CDH18: variants seen among roughly 807,000 people sequenced by gnomAD.
The protein encoded by CDH18 is cadherin-18.
CDH18 carries 31 observed loss-of-function variants against 67.9 expected under a neutral mutation model. That is an observed-to-expected ratio of 0.46 (90% CI 0.34 to 0.62). The LOEUF (loss-of-function observed/expected upper bound fraction) is 0.62. CDH18 is among the 20% of genes least tolerant of loss of function. The pLI is 0.01. For synonymous variants in CDH18, 362 were observed against 347.2 expected (o/e 1.04, Z -0.48); for missense variants, 890 against 975.5 (o/e 0.91, Z 1.17).
intron 1 of CDH18, among the ~76,000 whole-genome samples, chr5:20,521,623 G>A (rs1755748184): frequency 6.6e-6 from 1 of 152,072 alleles, no homozygotes; most frequent in Non-Finnish European, 1.5e-5. Flanking sequence ...TAGTTGAAGG[G>A]AGAAATGGGT....
intron 3 of CDH18, among the ~76,000 whole-genome samples, chr5:19,787,482 G>C (rs1269188579): frequency 3.3e-5 from 5 of 151,862 alleles, no homozygotes; most frequent in Non-Finnish European, 4.4e-5. Flanking sequence ...GTATGAGCAA[G>C]TCTTTTAATC....
At chr5:20,404,901 C>T (rs1223974180) in intron 1 of CDH18, among the ~76,000 whole-genome samples, 1 of 152,118 alleles carries the variant, frequency 6.6e-6, no homozygotes, top group Non-Finnish European at 1.5e-5. Context: ...CACCCACTGG[C>T]ACAAACCTAC....
intron 12 of CDH18, among the ~76,000 whole-genome samples, chr5:19,474,043 C>A (rs189982273): frequency 1.2e-4 from 19 of 152,124 alleles, no homozygotes; most frequent in African/African-American, 4.6e-4. Context: ...GAGATAAACA[C>A]ATGATGAAAA....
chr5:20,455,769 A>C (rs541154961), intron 1 of CDH18, among the ~76,000 whole-genome samples: 1 of 152,078 alleles, frequency 6.6e-6, no homozygotes, highest in African/African-American at 2.4e-5. Context: ...ACATAGAGCA[A>C]TAGTTTCTTT....
At chr5:19,750,665 C>G (rs890053553) in intron 3 of CDH18, among the ~76,000 whole-genome samples, 1 of 151,628 alleles carries the variant, frequency 6.6e-6, no homozygotes, top group African/African-American at 2.4e-5. Context: ...TAGCTAACCA[C>G]TATACTACTA....
chr5:19,860,903 A>C (rs1182792667), intron 2 of CDH18, among the ~76,000 whole-genome samples: 1 of 152,136 alleles, frequency 6.6e-6, no homozygotes, highest in Non-Finnish European at 1.5e-5. Flanking sequence ...TTCACTCATA[A>C]TTGTCTCTCT....
At chr5:20,171,372 G>A (rs1736694354) in intron 2 of CDH18, among the ~76,000 whole-genome samples, 1 of 152,006 alleles carries the variant, frequency 6.6e-6, no homozygotes, top group South Asian at 2.1e-4. Context: ...AACCTAGCCA[G>A]CATCTATTAT....
intron 9 of CDH18, among the ~76,000 whole-genome samples, chr5:19,536,460 G>A (rs1041203694): frequency 2.6e-5 from 4 of 152,132 alleles, no homozygotes; most frequent in African/African-American, 9.7e-5. Flanking sequence ...TTTTTCAGAG[G>A]ATTAAGCTGA....
chr5:19,581,863 G>C (rs1366611088), intron 7 of CDH18, among the ~76,000 whole-genome samples: 1 of 151,992 alleles, frequency 6.6e-6, no homozygotes, highest in Non-Finnish European at 1.5e-5. Flanking sequence ...CTCCAGCTAG[G>C]CTTTTGTATT....
chr5:20,203,468 A>T (rs1739610555), intron 2 of CDH18, among the ~76,000 whole-genome samples: 1 of 152,090 alleles, frequency 6.6e-6, no homozygotes, highest in South Asian at 2.1e-4. Context: ...TTCCTTTGGG[A>T]CTTCCCATGA....
intron 8 of CDH18, among the ~76,000 whole-genome samples, chr5:19,566,637 C>T (rs188821008): frequency 5.1e-4 from 77 of 152,038 alleles, no homozygotes; most frequent in African/African-American, 1.5e-3. Flanking sequence ...TGGAGGAAAC[C>T]GCCCCCACGA....
At chr5:19,661,137 A>C (rs548896123) in intron 5 of CDH18, among the ~76,000 whole-genome samples, 172 of 150,350 alleles carry the variant, frequency 1.1e-3, no homozygotes, top group Non-Finnish European at 1.9e-3. Flanking sequence ...TTTGAAAAAA[A>C]AAAGTTACAT....
rs544638118 is a variant in CDH18, at chr5:20,223,797, C to T, written c.-518+31647G>A. On this transcript the variant is annotated intron_variant, in intron 2 of 14. Transcript: ENST00000507958. ...CCTTTGTGTAGGGGGAACTTGTGTT[C>T]TCTCTTGCCTGCCACCAGGTAAAAC... Among the ~76,000 whole-genome samples the T allele has an allele frequency of 7.9e-5, 12 of 152,152 alleles. No individual in the cohort carries two copies. In the South Asian group the frequency reaches 2.5e-3, roughly 32 times the overall value.
At chr5:19,555,726 C>T (rs570292622) in intron 8 of CDH18, among the ~76,000 whole-genome samples, 6 of 152,242 alleles carry the variant, frequency 3.9e-5, no homozygotes, top group African/African-American at 1.4e-4. Context: ...TCTTGGGAGC[C>T]GTATGGCTCT....
At chr5:19,577,193 C>A (rs948633209) in intron 7 of CDH18, among the ~76,000 whole-genome samples, 2 of 152,092 alleles carry the variant, frequency 1.3e-5, no homozygotes, top group Admixed American at 6.6e-5. Context: ...AGTGACTACA[C>A]TTAATAATAA....
intron 1 of CDH18, among the ~76,000 whole-genome samples, chr5:20,337,904 G>A (rs1243751797): frequency 6.6e-6 from 1 of 152,218 alleles, no homozygotes; most frequent in Non-Finnish European, 1.5e-5. Context: ...CCACGTGGCT[G>A]GGGAAAACTC....
At chr5:19,798,312 G>A (rs1360876285) in intron 3 of CDH18, among the ~76,000 whole-genome samples, 4 of 151,788 alleles carry the variant, frequency 2.6e-5, no homozygotes, top group African/African-American at 4.8e-5. Flanking sequence ...CCAATGAGGG[G>A]TATTGGGAAA....
In CDH18 at chr5:20,201,172, A is replaced by G. The variant is rs1306101902; in HGVS notation, c.-518+54272T>C. 7.2e-5 allele frequency among the ~76,000 whole-genome samples: 11 copies of G among 151,916 alleles called. No homozygotes were observed. The South Asian group carries it at 2.1e-3, about 29-fold the overall frequency. ...CTGGTGTTTGCCAGCAATCTTGGGCATTCTTTGGCTACTAGATGCATTACT... is the reference window on the plus strand; with the variant it reads ...CTGGTGTTTGCCAGCAATCTTGGGCGTTCTTTGGCTACTAGATGCATTACT... On this transcript the variant is annotated intron_variant, in intron 2 of 14. Transcript: ENST00000507958.
At chr5:20,041,022 G>A (rs535009025) in intron 2 of CDH18, among the ~76,000 whole-genome samples, 19 of 152,156 alleles carry the variant, frequency 1.2e-4, no homozygotes, top group Non-Finnish European at 2.1e-4. Flanking sequence ...GTAACATTAT[G>A]TTGTTGGTTT....
Sources: allele counts gnomAD v4.1 joint callset (sites outside exome capture counted in the v4.1 genomes callset), GRCh38; gene constraint gnomAD v4.1.1; transcripts MANE v1.5; gene names NCBI Gene and HGNC (gene_info 2026-07-23, HGNC 2026-07-21).